ADAM23: variants seen among roughly 807,000 people sequenced by gnomAD.
ADAM23 encodes the protein disintegrin and metalloproteinase domain-containing protein 23.
Under a neutral mutation model 120.1 loss-of-function variants are expected in ADAM23, and 33 were observed. The ratio of observed to expected loss-of-function variants is 0.27; its 90% confidence interval spans 0.21 to 0.37. The LOEUF is 0.37. Among genes scored for constraint, ADAM23 ranks in the 10% least tolerant of loss-of-function variants. ADAM23 has a pLI of 1.00. For missense variants in ADAM23, 862 were observed against 1,058.2 expected, an observed-to-expected ratio of 0.81 and a Z score of 2.57; for synonymous variants, 367 against 375.2, an observed-to-expected ratio of 0.98 and a Z score of 0.25.
At chr2:206,583,746 A>C (rs1426634902) in intron 18 of ADAM23, among the ~76,000 whole-genome samples, 1 of 152,008 alleles carries the variant, frequency 6.6e-6, no homozygotes, top group Non-Finnish European at 1.5e-5. Flanking sequence ...ATTTCCATGA[A>C]TATTTCTCCC....
At chr2:206,574,587 C>T (rs544440908) in intron 18 of ADAM23, among the ~76,000 whole-genome samples, 4 of 152,172 alleles carry the variant, frequency 2.6e-5, no homozygotes, top group Admixed American at 1.3e-4. Context: ...TTTAAAGCCA[C>T]GAAACTATTT....
intron 3 of ADAM23, among the ~76,000 whole-genome samples, chr2:206,511,718 C>T (rs1696627374): frequency 6.6e-6 from 1 of 152,154 alleles, no homozygotes; most frequent in Non-Finnish European, 1.5e-5. Flanking sequence ...TTAGACTTCT[C>T]AGTATTTAGC....
chr2:206,609,857 G>A, intron 24 of ADAM23, 53 bp from the exon 25 acceptor site: 9 of 1,470,734 alleles, frequency 6.1e-6, no homozygotes, highest in Non-Finnish European at 6.5e-6. Context: ...TTCCCTTGTG[G>A]TAACGAAAGT....
chr2:206,472,501 T>G (rs1271020607), intron 2 of ADAM23, among the ~76,000 whole-genome samples: 1 of 151,328 alleles, frequency 6.6e-6, no homozygotes, highest in African/African-American at 2.4e-5. Flanking sequence ...TAGTCCCAGC[T>G]ACTTGGGAGG....
intron 17 of ADAM23, 123 bp downstream of exon 17, chr2:206,571,939 G>C: frequency 6.8e-6 from 5 of 738,344 alleles, no homozygotes; most frequent in Non-Finnish European, 1.1e-5. Flanking sequence ...ATATTAGCCT[G>C]GCAGTTTTCT....
At chr2:206,463,354 C>T (rs1195418400) in intron 2 of ADAM23, among the ~76,000 whole-genome samples, 25 of 152,182 alleles carry the variant, frequency 1.6e-4, no homozygotes, top group Admixed American at 1.6e-3. Flanking sequence ...CCAAGGAATA[C>T]AGACAGCCTT....
At chr2:206,499,231 G>C (rs1329421012) in intron 3 of ADAM23, among the ~76,000 whole-genome samples, 1 of 151,854 alleles carries the variant, frequency 6.6e-6, no homozygotes, top group Non-Finnish European at 1.5e-5. Flanking sequence ...CAATAGCAAA[G>C]ACTTGGAACC....
intron 2 of ADAM23, among the ~76,000 whole-genome samples, chr2:206,477,898 ATATAT>A (rs1353016911): frequency 2.3e-5 from 2 of 86,426 alleles, no homozygotes; most frequent in African/African-American, 1.0e-4. Context: ...AAAAAAAAAA[ATATAT>A]ATATATATAT....
rs1199673146 is a variant in ADAM23, at chr2:206,619,517, C to A, written c.*1890C>A. ...GCCCCTACTTCTCTAATGCCCCCCC[C>A]CTTTTTTTTTTAGGAAAAGAACATG... On this transcript the variant is annotated 3_prime_UTR_variant, in exon 26 of 26. Transcript: ENST00000264377. 1 of 150,646 alleles carries A rather than the reference C, an allele frequency of 6.6e-6. No individual in the cohort carries two copies. The highest frequency in any genetic ancestry group is 1.9e-4 in the East Asian group (1 of 5,144). The allele number at this position is 150,646 out of a possible 1,614,324, so 9.3% of individuals were successfully genotyped here.
At chr2:206,512,598 A>G (rs930062012) in intron 3 of ADAM23, among the ~76,000 whole-genome samples, 7 of 152,364 alleles carry the variant, frequency 4.6e-5, no homozygotes, top group Admixed American at 3.9e-4. Flanking sequence ...GATGTTCTAA[A>G]TAGTCTAACA....
chr2:206,545,545 A>G (rs899875188), intron 6 of ADAM23, among the ~76,000 whole-genome samples: 1 of 152,176 alleles, frequency 6.6e-6, no homozygotes, highest in African/African-American at 2.4e-5. Flanking sequence ...TAGGCTACTG[A>G]TAATAAAAGC....
At chr2:206,482,756 T>C (rs978592645) in intron 3 of ADAM23, among the ~76,000 whole-genome samples, 4 of 152,132 alleles carry the variant, frequency 2.6e-5, no homozygotes, top group African/African-American at 9.7e-5. Flanking sequence ...TGAAATATGC[T>C]GGAGGTTAAA....
intron 3 of ADAM23, among the ~76,000 whole-genome samples, chr2:206,508,099 G>A (rs932466833): frequency 2.6e-5 from 4 of 151,938 alleles, no homozygotes; most frequent in East Asian, 1.9e-4. Flanking sequence ...GCGCAATCTC[G>A]GCTCACTGCA....
intron 2 of ADAM23, among the ~76,000 whole-genome samples, chr2:206,480,270 T>C (rs571076630): frequency 6.6e-6 from 1 of 151,890 alleles, no homozygotes; most frequent in South Asian, 2.1e-4. Context: ...TGGGGTAGTA[T>C]TGGGGGGAAG....
At chr2:206,559,892 C>T in intron 10 of ADAM23, 63 bp from the exon 11 acceptor site, 1 of 1,442,976 alleles carries the variant, frequency 6.9e-7, no homozygotes, top group South Asian at 1.4e-5. Flanking sequence ...GACTCTGACT[C>T]ACTGATCGTG....
intron 17 of ADAM23, 139 bp downstream of exon 17, chr2:206,571,955 C>T (rs1325136833): frequency 1.6e-5 from 10 of 633,582 alleles, no homozygotes; most frequent in East Asian, 2.8e-5. Flanking sequence ...TTTCTAGGAT[C>T]GATAAATCTC....
chr2:206,573,013 A>G, intron 17 of ADAM23, 102 bp from the exon 18 acceptor site: 1 of 1,131,042 alleles, frequency 8.8e-7, no homozygotes, highest in South Asian at 1.2e-5. Context: ...GTTTGGTGTT[A>G]GTTATGCGAG....
At chr2:206,509,188 A>T (rs1227836274) in intron 3 of ADAM23, among the ~76,000 whole-genome samples, 3 of 152,228 alleles carry the variant, frequency 2.0e-5, no homozygotes, top group African/African-American at 4.8e-5. Flanking sequence ...TGGAAAAGTG[A>T]CTGCTCATTA....
chr2:206,567,408 C>A, intron 15 of ADAM23, 86 bp downstream of exon 15: 1 of 1,060,514 alleles, frequency 9.4e-7, no homozygotes, highest in African/African-American at 1.6e-5. Flanking sequence ...AGACGCCTGT[C>A]TTGGAAAGCA....
Sources: gnomAD v4.1 joint callset for allele counts (sites outside exome capture counted in the v4.1 genomes callset) on GRCh38, gnomAD v4.1.1 for gene constraint, MANE v1.5 for transcripts, NCBI Gene and HGNC (gene_info 2026-07-23, HGNC 2026-07-21) for gene names.